The following PTP4A1 variants were observed in gnomAD, a reference collection of about 807,000 sequenced individuals.
The protein encoded by PTP4A1 is protein tyrosine phosphatase type IVA 1.
A neutral mutation model predicts 20.5 loss-of-function variants in PTP4A1; 9 were observed. The ratio of observed to expected loss-of-function variants is 0.44; its 90% confidence interval spans 0.26 to 0.77. PTP4A1 has a LOEUF of 0.77. PTP4A1 is among the 30% of genes least tolerant of loss of function. The pLI is 0.19. For synonymous variants in PTP4A1, 78 were observed against 67.4 expected, an observed-to-expected ratio of 1.16 and a Z score of -0.77; for missense variants, 137 against 218.8, an observed-to-expected ratio of 0.63 and a Z score of 2.36.
chr6:63,565,448 A>T (rs1777151878), intron 3 of PTP4A1, among the ~76,000 whole-genome samples: 1 of 149,674 alleles, frequency 6.7e-6, no homozygotes, highest in Admixed American at 6.7e-5. Context: ...AATAGACTTT[A>T]AAAAAAAAAG....
At chr6:63,539,718 G>A (rs903608590) in intron 2 of PTP4A1, among the ~76,000 whole-genome samples, 12 of 151,746 alleles carry the variant, frequency 7.9e-5, no homozygotes, top group African/African-American at 2.9e-4. Context: ...GCAGTGAGCT[G>A]AGATCGTACC....
At chr6:63,579,207 C>G (rs1392996474) in intron 4 of PTP4A1, 50 bp from the exon 5 acceptor site, 4 of 1,537,230 alleles carry the variant, frequency 2.6e-6, no homozygotes, top group Non-Finnish European at 3.6e-6. Flanking sequence ...AATAAATTTA[C>G]AAAGATCTGA....
chr6:63,562,325 G>A (rs900721161), intron 3 of PTP4A1, among the ~76,000 whole-genome samples: 7 of 150,816 alleles, frequency 4.6e-5, no homozygotes, highest in Admixed American at 2.7e-4. Context: ...TCAGCCTCCC[G>A]AGTAGCTGGG....
intron 3 of PTP4A1, among the ~76,000 whole-genome samples, chr6:63,559,612 G>C (rs984674211): frequency 9.2e-5 from 14 of 152,102 alleles, no homozygotes; most frequent in African/African-American, 3.4e-4. Context: ...AGGCATGGTG[G>C]TGTATGCCTG....
chr6:63,530,746 C>A (rs540740838), intron 2 of PTP4A1, among the ~76,000 whole-genome samples: 2 of 152,116 alleles, frequency 1.3e-5, no homozygotes, highest in African/African-American at 4.8e-5. Flanking sequence ...TAGAGGCATA[C>A]CTGAATTCAT....
In PTP4A1 at chr6:63,582,345, T is replaced by A. The variant is rs1251213336; in HGVS notation, c.*2171T>A. ...CATCATGATTAATGAAAACTATCTTTTGAGTTTGAAAAGAAATTAATTTGC... is the reference window on the plus strand; with the variant it reads ...CATCATGATTAATGAAAACTATCTTATGAGTTTGAAAAGAAATTAATTTGC... On this transcript the variant is annotated 3_prime_UTR_variant, in exon 6 of 6. Transcript: ENST00000626021. The A allele has an allele frequency of 6.6e-6, 1 of 152,658 alleles. No individual in the cohort carries two copies. The highest frequency in any genetic ancestry group is 2.4e-5 in the African/African-American group (1 of 41,470). 9.5% of individuals were successfully genotyped at this position (152,658 alleles called of 1,614,324 possible). A position where few individuals can be genotyped will look rare whatever the true frequency, so the allele number is the denominator to read the frequency against.
chr6:63,580,062 G>A lies in PTP4A1; in HGVS notation c.410G>A (p.Arg137Gln), dbSNP rs1390763855. ...EDAVQFIRQKRRGAFNSKQLL... is the reference protein window; with the variant it reads ...EDAVQFIRQKQRGAFNSKQLL... ...TTTTTTTTTTTTCCTCCCAGAAAGCGGCGTGGAGCTTTTAACAGCAAGCAA... is the reference window on the plus strand; with the variant it reads ...TTTTTTTTTTTTCCTCCCAGAAAGCAGCGTGGAGCTTTTAACAGCAAGCAA... Residue 137 changes from arginine (R) to glutamine (Q), a missense_variant, in exon 6 of 6, where the codon CGG (arginine) becomes CAG (glutamine). Transcript: ENST00000626021. The A allele has an allele frequency of 3.7e-6, 6 of 1,605,430 alleles. No homozygotes were observed. The highest frequency in any genetic ancestry group is 3.4e-6 in the Non-Finnish European group (4 of 1,175,182).
At chr6:63,560,102 C>T (rs1334755138) in intron 3 of PTP4A1, among the ~76,000 whole-genome samples, 2 of 152,026 alleles carry the variant, frequency 1.3e-5, no homozygotes, top group African/African-American at 2.4e-5. Flanking sequence ...ACAATAGTGC[C>T]TCTCAATAAA....
chr6:63,532,941 G>A (rs1365639508), intron 2 of PTP4A1, among the ~76,000 whole-genome samples: 1 of 152,086 alleles, frequency 6.6e-6, no homozygotes, highest in African/African-American at 2.4e-5. Context: ...TTACATACCC[G>A]ATGTGAGCCT....
chr6:63,572,389 G>T, upstream of PTP4A1: 1 of 328,588 alleles, frequency 3.0e-6, no homozygotes, highest in Non-Finnish European at 5.5e-6. Flanking sequence ...CCCGCCTGTC[G>T]GCTCCTGGCC....
intron 2 of PTP4A1, among the ~76,000 whole-genome samples, chr6:63,529,775 A>C (rs1252955905): frequency 6.6e-6 from 1 of 152,174 alleles, no homozygotes; most frequent in Non-Finnish European, 1.5e-5. Flanking sequence ...CGTTTTTCTG[A>C]GTAATCCCTC....
Position 63,576,789 on chromosome 6 carries a change from T to A in PTP4A1, c.-92T>A. On this transcript the variant is annotated 5_prime_UTR_variant, in exon 2 of 6. It adds an upstream start codon to the 5' untranslated region. Coordinates refer to ENST00000626021, the MANE Select transcript of PTP4A1 (RefSeq NM_003463.5). ...CACTGAGAATTTCAAGTGGAGTATA[T>A]TGAAGTAGACTTCAGTTTCTTTGCA... 2 of 987,454 alleles carry A rather than the reference T, an allele frequency of 2.0e-6. No homozygotes were observed. Among genetic ancestry groups the A allele is most frequent in the Non-Finnish European group, 1.5e-6 (1 of 652,578 alleles). The allele number at this position is 987,454 out of a possible 1,614,324, so 61.2% of individuals were successfully genotyped here.
intron 3 of PTP4A1, among the ~76,000 whole-genome samples, chr6:63,556,981 G>A (rs561874144): frequency 1.8e-4 from 28 of 152,092 alleles, no homozygotes; most frequent in Non-Finnish European, 3.4e-4. Flanking sequence ...AAACACTAGC[G>A]CAGTCATCCA....
chr6:63,568,801 C>A (rs1462974483), upstream of PTP4A1, among the ~76,000 whole-genome samples: 2 of 152,084 alleles, frequency 1.3e-5, no homozygotes, highest in African/African-American at 4.8e-5. Context: ...TAAACTTTAA[C>A]AATGCTGACA....
At chr6:63,536,694 C>A (rs2758243) in intron 2 of PTP4A1, among the ~76,000 whole-genome samples, 2,264 of 152,192 alleles carry the variant, frequency 0.015, 47 homozygotes, top group African/African-American at 0.051. Flanking sequence ...TAAAGAATTT[C>A]TTTATAGTAT....
chr6:63,549,991 T>A (rs1300325738), intron 2 of PTP4A1, among the ~76,000 whole-genome samples: 1 of 152,214 alleles, frequency 6.6e-6, no homozygotes. Context: ...GATAAATGTT[T>A]GAGATGAGGA....
chr6:63,545,227 C>T (rs1776131883), intron 2 of PTP4A1, among the ~76,000 whole-genome samples: 2 of 152,200 alleles, frequency 1.3e-5, no homozygotes, highest in Non-Finnish European at 2.9e-5. Context: ...CTGGAAGTCT[C>T]TTCAAGCAGA....
At chr6:63,547,398 C>T (rs1227763639) in intron 2 of PTP4A1, among the ~76,000 whole-genome samples, 1 of 151,252 alleles carries the variant, frequency 6.6e-6, no homozygotes, top group Non-Finnish European at 1.5e-5. Context: ...CCATGTTGGC[C>T]AGGCTGGTCT....
intron 1 of PTP4A1, among the ~76,000 whole-genome samples, chr6:63,522,530 T>C (rs1774976357): frequency 6.6e-6 from 1 of 152,142 alleles, no homozygotes; most frequent in Non-Finnish European, 1.5e-5. Context: ...AAGAGAGCAA[T>C]AGGAAGCACT....
Sources: allele counts gnomAD v4.1 joint callset (sites outside exome capture counted in the v4.1 genomes callset), GRCh38; gene constraint gnomAD v4.1.1; transcripts MANE v1.5; gene names NCBI Gene and HGNC (gene_info 2026-07-23, HGNC 2026-07-21).